Variants in BRWD3 observed in about 807,000 individuals in gnomAD.
The protein encoded by BRWD3 is bromodomain and WD repeat-containing protein 3.
A neutral mutation model predicts 149.7 loss-of-function variants in BRWD3; 10 were observed. That is an observed-to-expected ratio of 0.07 (90% CI 0.04 to 0.11). The LOEUF is 0.11. Ranked by LOEUF, BRWD3 falls within the 10% of genes least tolerant of loss-of-function variation. The pLI is 1.00. For missense variants in BRWD3, 940 were observed against 1,373.2 expected, an observed-to-expected ratio of 0.68 and a Z score of 4.99; for synonymous variants, 504 against 456.7, an observed-to-expected ratio of 1.10 and a Z score of -1.32.
chrX:80,676,878 T>C lies in BRWD3; in HGVS notation c.5140A>G (p.Arg1714Gly), dbSNP rs1456158443. 1 of 1,207,641 alleles carries C rather than the reference T, an allele frequency of 8.3e-7. No individual in the cohort carries two copies. The highest frequency in any genetic ancestry group is 1.1e-6 in the Non-Finnish European group (1 of 894,094). ...CTGGTAGCTCCTCTAGAAGCACCTC[T>C]TCCTCCTCTCCCTCTTCCCCTCCCC... ...TRGRGRGRGGRGASRGATRAK... is the reference protein window; with the variant it reads ...TRGRGRGRGGGGASRGATRAK... The change falls in exon 41 of 41, where the codon AGA (arginine) becomes GGA (glycine). Residue 1714 changes from arginine to glycine, a missense_variant. Coordinates refer to ENST00000373275, the MANE Select transcript of BRWD3 (RefSeq NM_153252.5).
intron 20 of BRWD3, among the ~76,000 whole-genome samples, chrX:80,711,107 CAT>C (rs2072958758): frequency 8.9e-6 from 1 of 111,833 alleles, no homozygotes; most frequent in Admixed American, 9.5e-5. Context: ...ACATTTCAGT[CAT>C]ATGTGTATAT....
chrX:80,682,115 C>A, intron 38 of BRWD3, 21 bp from the exon 39 acceptor site: 2 of 1,143,094 alleles, frequency 1.7e-6, no homozygotes, highest in Non-Finnish European at 1.2e-6. Context: ...AAATATGTAA[C>A]AACGAGCATT....
intron 6 of BRWD3, among the ~76,000 whole-genome samples, chrX:80,783,945 G>A (rs915889546): frequency 9.0e-6 from 1 of 111,250 alleles, no homozygotes; most frequent in African/African-American, 3.3e-5. Context: ...AAAGAGCGGG[G>A]AAGTGGGGAT....
At chrX:80,800,252 C>CTTTT (rs1398759700) in intron 4 of BRWD3, among the ~76,000 whole-genome samples, 1 of 90,503 alleles carries the variant, frequency 1.1e-5, no homozygotes. Context: ...AGAAGGGCTT[C>CTTTT]TTTTTTTTTT....
chrX:80,695,069 AC>A (rs1217980857), intron 27 of BRWD3, among the ~76,000 whole-genome samples: 3 of 110,774 alleles, frequency 2.7e-5, no homozygotes, highest in Non-Finnish European at 5.7e-5. Context: ...GCAGTTTCCC[AC>A]ATGTTGTTCT....
intron 8 of BRWD3, among the ~76,000 whole-genome samples, chrX:80,737,088 T>A (rs2073414625): frequency 9.0e-6 from 1 of 111,534 alleles, no homozygotes; most frequent in African/African-American, 3.3e-5. Flanking sequence ...CAGAGATGAA[T>A]TCAAACAAAA....
At chrX:80,798,472 C>T (rs777934156) in intron 4 of BRWD3, among the ~76,000 whole-genome samples, 1 of 110,984 alleles carries the variant, frequency 9.0e-6, no homozygotes, top group South Asian at 3.7e-4. Context: ...TTATAAACCA[C>T]TCTTTTTGTT....
chrX:80,781,621 T>A (rs1019592340), intron 6 of BRWD3, among the ~76,000 whole-genome samples: 5 of 111,115 alleles, frequency 4.5e-5, no homozygotes, highest in Non-Finnish European at 9.4e-5. Context: ...GGGAAAAAAA[T>A]GTTTAAAAAT....
At chrX:80,694,256 C>T (rs2072649897) in intron 27 of BRWD3, among the ~76,000 whole-genome samples, 1 of 111,743 alleles carries the variant, frequency 8.9e-6, no homozygotes, top group Non-Finnish European at 1.9e-5. Context: ...GGTTTGGGAA[C>T]CTCTACCTAG....
intron 27 of BRWD3, among the ~76,000 whole-genome samples, 193 bp from the exon 28 acceptor site, chrX:80,693,244 A>T (rs2072635892): frequency 8.9e-6 from 1 of 112,127 alleles, no homozygotes; most frequent in African/African-American, 3.2e-5. Context: ...AGTGGTAGAA[A>T]TCTTTCTGAA....
In BRWD3 at chrX:80,758,898, T is replaced by A. The variant is rs2073773390; in HGVS notation, c.431-13169A>T. ...TTTCTTTTGACATGTTAAGTCCTTC[T>A]ACATTACTCACAGCTGTAATTTATA... is the stretch of plus-strand genomic sequence containing the variant. On this transcript the variant is annotated intron_variant, in intron 6 of 40. Coordinates refer to ENST00000373275, the MANE Select transcript of BRWD3 (RefSeq NM_153252.5). Among the ~76,000 whole-genome samples, 4 of 112,362 alleles carry A rather than the reference T, an allele frequency of 3.6e-5. No homozygotes were observed. In the South Asian group the frequency reaches 1.5e-3, roughly 41 times the overall value.
At position 80,788,945 on chromosome X, in the gene BRWD3, G is replaced by A. The variant is rs188308914; in HGVS notation, c.430+2909C>T. ...AGTGGTTTCCAGGGGTTGAGCAAAC[G>A]ATACTGAGGCTGATAAAAATGTTCC... is the stretch of plus-strand genomic sequence containing the variant. On this transcript the variant is annotated intron_variant, in intron 6 of 40. Coordinates refer to ENST00000373275, the MANE Select transcript of BRWD3 (RefSeq NM_153252.5). 2.3e-3 allele frequency among the ~76,000 whole-genome samples: 256 copies of A among 111,815 alleles called. 2 individuals are homozygous for A. Among genetic ancestry groups the A allele is most frequent in the Non-Finnish European group, 2.8e-3 (151 of 53,122 alleles).
intron 30 of BRWD3, 119 bp from the exon 31 acceptor site, chrX:80,691,292 T>A (rs752830036): frequency 1.3e-6 from 1 of 757,873 alleles, no homozygotes; most frequent in East Asian, 3.5e-5. Context: ...TCTAAAACCA[T>A]GAGGATTCCA....
Position 80,722,646 on chromosome X carries a change from G to A in BRWD3, c.1792C>T (p.Pro598Ser). ...FLVDVDGNPHPTKFQRLVPGR... is the reference protein window; with the variant it reads ...FLVDVDGNPHSTKFQRLVPGR... ...GGTACCAACCGTTGGAATTTTGTGG[G>A]ATGAGGATTTCCATCAACATCCACC... Residue 598 changes from proline to serine, a missense_variant, in exon 17 of 41, where the codon CCC (proline) becomes TCC (serine). By Grantham distance (74) the Pro-to-Ser change is moderately conservative. This residue lies in a region of BRWD3 where 209 missense variants were observed against 396.8 expected (regional missense o/e 0.53). Coordinates refer to ENST00000373275, the MANE Select transcript of BRWD3 (RefSeq NM_153252.5). 8.3e-7 allele frequency: 1 copy of A among 1,211,440 alleles called. No individual in the cohort carries two copies. Among genetic ancestry groups the A allele is most frequent in the African/African-American group, 1.7e-5 (1 of 57,758 alleles).
intron 14 of BRWD3, among the ~76,000 whole-genome samples, chrX:80,725,269 A>G (rs2073200597): frequency 8.9e-6 from 1 of 112,030 alleles, no homozygotes; most frequent in Non-Finnish European, 1.9e-5. Flanking sequence ...AGTATTCAAT[A>G]AACAGAAGAC....
intron 22 of BRWD3, among the ~76,000 whole-genome samples, chrX:80,707,128 A>G (rs2072877481): frequency 8.9e-6 from 1 of 112,368 alleles, no homozygotes; most frequent in African/African-American, 3.2e-5. Flanking sequence ...GACCATAGTC[A>G]TATGCACTCG....
chrX:80,680,771 G>T (rs1282439784), intron 40 of BRWD3, among the ~76,000 whole-genome samples: 1 of 109,974 alleles, frequency 9.1e-6, no homozygotes, highest in East Asian at 2.8e-4. Flanking sequence ...CTTGGGGAAA[G>T]AACTCTTCAT....
chrX:80,670,909 AT>A lies in BRWD3; in HGVS notation c.*5699del, dbSNP rs1427152771. The A allele has an allele frequency of 9.0e-6, 1 of 111,258 alleles. No homozygotes were observed. Among genetic ancestry groups the A allele is most frequent in the Admixed American group, 9.6e-5 (1 of 10,412 alleles). 9.2% of individuals were successfully genotyped at this position (111,258 alleles called of 1,213,427 possible). A position where few individuals can be genotyped will look rare whatever the true frequency, so the allele number is the denominator to read the frequency against. ...AATACACAAAATACACAGTATATATATATCAAAGATACAGTCCAGTCTTTGG... is the reference window on the plus strand; with the variant it reads ...AATACACAAAATACACAGTATATATAATCAAAGATACAGTCCAGTCTTTGG... On this transcript the variant is annotated 3_prime_UTR_variant, in exon 41 of 41. Transcript: ENST00000373275.
At chrX:80,722,925 C>T (rs369228468) in intron 16 of BRWD3, 138 bp from the exon 17 acceptor site, 1 of 529,578 alleles carries the variant, frequency 1.9e-6, no homozygotes, top group East Asian at 3.6e-5. Context: ...GCCCTGTATT[C>T]CCTTTAGGTA....
Sources: gnomAD v4.1 joint callset for allele counts (sites outside exome capture counted in the v4.1 genomes callset) on GRCh38, gnomAD v4.1.1 for gene constraint, gnomAD v4.1.1 regional missense constraint, MANE v1.5 for transcripts, NCBI Gene and HGNC (gene_info 2026-07-23, HGNC 2026-07-21) for gene names.